Variants in HYAL4 observed in about 807,000 individuals in gnomAD.
HYAL4 encodes hyaluronidase 4, also known as hyaluronidase-4.
A neutral mutation model predicts 35.2 loss-of-function variants in HYAL4; 37 were observed. That is an observed-to-expected ratio of 1.05 (90% CI 0.81 to 1.38). The LOEUF is 1.38. HYAL4 is among the 40% of genes most tolerant of loss of function. The pLI is 0.00. For missense variants in HYAL4, 572 were observed against 572.4 expected (o/e 1.00, Z 0.01); for synonymous variants, 198 against 203.2 (o/e 0.97, Z 0.22).
At chr7:123,876,274 C>A (rs772555803) in intron 4 of HYAL4, among the ~76,000 whole-genome samples, 1 of 152,204 alleles carries the variant, frequency 6.6e-6, no homozygotes, top group African/African-American at 2.4e-5. Flanking sequence ...GATGATTTGA[C>A]AATAAATGAT....
At chr7:123,833,864 T>C (rs1455996968) in intron 1 of HYAL4, among the ~76,000 whole-genome samples, 2 of 152,228 alleles carry the variant, frequency 1.3e-5, no homozygotes, top group African/African-American at 4.8e-5. Context: ...CTTCATGTTT[T>C]TGTTTGCTTT....
At chr7:123,832,450 CCT>C (rs747234911) in intron 1 of HYAL4, among the ~76,000 whole-genome samples, 108 of 144,862 alleles carry the variant, frequency 7.5e-4, no homozygotes, top group Non-Finnish European at 9.6e-4. Flanking sequence ...ACCCTTTCCC[CCT>C]GAGTCCCCAA....
the HYAL4 span, among the ~76,000 whole-genome samples, chr7:123,769,370 C>T: frequency 1.3e-5 from 2 of 151,966 alleles, no homozygotes; most frequent in East Asian, 3.9e-4. Context: ...GGGACCTGTA[C>T]CTGTTAGAGA....
At chr7:123,787,134 GA>G in the HYAL4 span, among the ~76,000 whole-genome samples, 8,682 of 136,224 alleles carry the variant, frequency 0.064, 316 homozygotes, top group East Asian at 0.11. Flanking sequence ...AAAAGAAAAA[GA>G]AAAAAAAAGC....
At chr7:123,812,749 T>C in the HYAL4 span, among the ~76,000 whole-genome samples, 1 of 152,098 alleles carries the variant, frequency 6.6e-6, no homozygotes, top group Non-Finnish European at 1.5e-5. Flanking sequence ...GAATAATATT[T>C]ATGGAGAGTA....
the HYAL4 span, among the ~76,000 whole-genome samples, chr7:123,818,269 G>A: frequency 6.6e-6 from 1 of 152,166 alleles, no homozygotes; most frequent in Non-Finnish European, 1.5e-5. Context: ...TCCAAATTCT[G>A]TGTGCTTTAC....
chr7:123,869,967 G>A (rs1465895849), intron 3 of HYAL4, among the ~76,000 whole-genome samples: 1 of 152,054 alleles, frequency 6.6e-6, no homozygotes, highest in Non-Finnish European at 1.5e-5. Context: ...TGAGATTACA[G>A]GCATGAGCCA....
the HYAL4 span, among the ~76,000 whole-genome samples, chr7:123,768,704 C>G: frequency 4.6e-5 from 7 of 152,190 alleles, no homozygotes; most frequent in Non-Finnish European, 8.8e-5. Flanking sequence ...AATCTTTGAC[C>G]AGGTGAACAT....
At chr7:123,774,708 C>G in the HYAL4 span, among the ~76,000 whole-genome samples, 1 of 152,150 alleles carries the variant, frequency 6.6e-6, no homozygotes, top group Non-Finnish European at 1.5e-5. Flanking sequence ...TTTTTCTGAT[C>G]CGGCTCACAT....
the HYAL4 span, among the ~76,000 whole-genome samples, chr7:123,786,993 C>T: frequency 4.0e-5 from 6 of 151,078 alleles, no homozygotes; most frequent in Middle Eastern, 3.4e-3. Flanking sequence ...CTGTAATCAC[C>T]GCTACTTGGT....
At chr7:123,770,189 TA>T in the HYAL4 span, among the ~76,000 whole-genome samples, 23 of 148,238 alleles carry the variant, frequency 1.6e-4, no homozygotes, top group African/African-American at 3.0e-4. Context: ...AAGTGGGCTA[TA>T]AAAAAAAAAT....
chr7:123,870,231 G>T (rs1806840550), intron 3 of HYAL4, among the ~76,000 whole-genome samples: 2 of 152,310 alleles, frequency 1.3e-5, no homozygotes, highest in Middle Eastern at 3.4e-3. Flanking sequence ...AAACACCCAG[G>T]TGAGGGCTCT....
chr7:123,844,064 G>T (rs1806124424), upstream of HYAL4, among the ~76,000 whole-genome samples: 1 of 151,990 alleles, frequency 6.6e-6, no homozygotes, highest in Non-Finnish European at 1.5e-5. Context: ...CGATCCTTTG[G>T]AGGAGAAAAG....
the HYAL4 span, among the ~76,000 whole-genome samples, chr7:123,775,336 A>C: frequency 1.3e-5 from 2 of 152,112 alleles, no homozygotes; most frequent in Non-Finnish European, 2.9e-5. Context: ...GGCTGAGGCG[A>C]GAGGATTGCT....
the HYAL4 span, among the ~76,000 whole-genome samples, chr7:123,813,868 A>G: frequency 9.8e-5 from 15 of 152,344 alleles, no homozygotes; most frequent in South Asian, 2.7e-3. Flanking sequence ...TAGCGTATTC[A>G]GAATCATAGG....
the HYAL4 span, among the ~76,000 whole-genome samples, chr7:123,779,861 CTATT>C: frequency 6.6e-6 from 1 of 152,082 alleles, no homozygotes; most frequent in East Asian, 1.9e-4. Flanking sequence ...TACTCATTAT[CTATT>C]TATTTGGTCT....
chr7:123,773,913 A>G, the HYAL4 span, among the ~76,000 whole-genome samples: 6 of 152,236 alleles, frequency 3.9e-5, no homozygotes, highest in Non-Finnish European at 5.9e-5. Context: ...CCATCCATTC[A>G]TCAAACATTT....
At chr7:123,784,072 G>T in the HYAL4 span, among the ~76,000 whole-genome samples, 1 of 152,200 alleles carries the variant, frequency 6.6e-6, no homozygotes, top group African/African-American at 2.4e-5. Flanking sequence ...GAGTATATGT[G>T]TAAAAGAGAG....
At chr7:123,808,254 C>G in the HYAL4 span, among the ~76,000 whole-genome samples, 1 of 151,972 alleles carries the variant, frequency 6.6e-6, no homozygotes, top group Non-Finnish European at 1.5e-5. Context: ...TTTAACAATG[C>G]TTTATCATAA....
Sources: allele counts gnomAD v4.1 joint callset (sites outside exome capture counted in the v4.1 genomes callset), GRCh38; gene constraint gnomAD v4.1.1; transcripts MANE v1.5; gene names NCBI Gene and HGNC (gene_info 2026-07-23, HGNC 2026-07-21).